Variants in N4BP1 observed in about 807,000 individuals in gnomAD.
The protein encoded by N4BP1 is NEDD4 binding protein 1.
Under a neutral mutation model 70.9 loss-of-function variants are expected in N4BP1, and 21 were observed. The observed-to-expected ratio is 0.30, with a 90% confidence interval of 0.21 to 0.43. The LOEUF (loss-of-function observed/expected upper bound fraction) is 0.43, where lower values mean the gene tolerates loss of function less well. Among genes scored for constraint, N4BP1 ranks in the 20% least tolerant of loss-of-function variants. The pLI, the probability that N4BP1 is intolerant of heterozygous loss-of-function variation, is 1.00. For synonymous variants in N4BP1, 387 were observed against 394.6 expected (o/e 0.98, Z 0.23); for missense variants, 936 against 1,069.4 (o/e 0.88, Z 1.74).
At chr16:48,604,798 T>G (rs866277501) in intron 1 of N4BP1, among the ~76,000 whole-genome samples, 4 of 152,218 alleles carry the variant, frequency 2.6e-5, no homozygotes, top group African/African-American at 9.6e-5. Flanking sequence ...TACAATATTT[T>G]ATATAATTAA....
chr16:48,553,975 A>T (rs1963712526), intron 2 of N4BP1, among the ~76,000 whole-genome samples: 1 of 152,182 alleles, frequency 6.6e-6, no homozygotes, highest in South Asian at 2.1e-4. Context: ...AGGGACAAAG[A>T]TGTGACATGG....
rs1374162100 is a variant in N4BP1, at chr16:48,610,096, G to GCGCCCCGC, written c.-132_-125dup. 8.0e-6 allele frequency: 3 copies of GCGCCCCGC among 376,452 alleles called. No homozygotes were observed. The highest frequency in any genetic ancestry group is 1.1e-5 in the Non-Finnish European group (3 of 272,652). 23.3% of individuals were successfully genotyped at this position (376,452 alleles called of 1,614,324 possible). A position where few individuals can be genotyped will look rare whatever the true frequency, so the allele number is the denominator to read the frequency against. ...CTTCCCGGCCGCCTCGCCCCCGCCC[G>GCGCCCCGC]CGCCCCGCCGCCCGCCCTCAGGCCC... On this transcript the variant is annotated 5_prime_UTR_variant, in exon 1 of 7. Transcript: ENST00000262384.
intron 1 of N4BP1, among the ~76,000 whole-genome samples, chr16:48,582,458 T>TA (rs59342775): frequency 0.4 from 61,214 of 151,846 alleles, 13,298 homozygotes; most frequent in African/African-American, 0.56. Flanking sequence ...AAGTTGCCCT[T>TA]ATTTTACTTA....
chr16:48,599,732 C>T (rs1964469251), intron 1 of N4BP1, among the ~76,000 whole-genome samples: 1 of 152,202 alleles, frequency 6.6e-6, no homozygotes, highest in Non-Finnish European at 1.5e-5. Flanking sequence ...GCTTGCTTTA[C>T]TACTAGTGGT....
intron 1 of N4BP1, among the ~76,000 whole-genome samples, chr16:48,582,860 AG>A (rs1254191940): frequency 6.6e-6 from 1 of 152,160 alleles, no homozygotes; most frequent in Non-Finnish European, 1.5e-5. Context: ...TGGGGAGGCC[AG>A]GAGTTTGAGC....
rs1266805200 is a variant in N4BP1, at chr16:48,571,579, A to G, written c.199-9135T>C. On this transcript the variant is annotated intron_variant, in intron 1 of 6. Coordinates refer to ENST00000262384, the MANE Select transcript of N4BP1 (RefSeq NM_153029.4). The stretch of plus-strand genomic sequence containing the variant: ...AATTTTAGTAAGTGGTTTCAAACAG[A>G]TATAAGATGAGACTGAACCCACAGA... Among the ~76,000 whole-genome samples the G allele has an allele frequency of 7.2e-5, 11 of 152,216 alleles. No homozygotes were observed. In the East Asian group the frequency reaches 2.1e-3, roughly 29 times the overall value.
At position 48,571,505 on chromosome 16, in the gene N4BP1, G is replaced by C. The variant is rs1221751050; in HGVS notation, c.199-9061C>G. On this transcript the variant is annotated intron_variant, in intron 1 of 6. Transcript: ENST00000262384. ...AAACCAATTAAGCAGATCACATGGA[G>C]AACTGCAGGAAACTAGGTAATGCAG... 3.4e-4 allele frequency among the ~76,000 whole-genome samples: 51 copies of C among 152,154 alleles called. 1 individual carries two copies. The highest frequency in any genetic ancestry group is 3.3e-3 in the Admixed American group (51 of 15,276).
At chr16:48,609,754 G>T in intron 1 of N4BP1, 21 bp downstream of exon 1, 1 of 1,328,970 alleles carries the variant, frequency 7.5e-7, no homozygotes, top group Non-Finnish European at 9.6e-7. Context: ...GCGGGCGCGC[G>T]GGGGCGGCGG....
chr16:48,553,383 T>G (rs768886310), intron 3 of N4BP1, among the ~76,000 whole-genome samples, 156 bp downstream of exon 3: 11 of 152,276 alleles, frequency 7.2e-5, no homozygotes, highest in Admixed American at 1.3e-4. Context: ...TGGCACTCTC[T>G]TCAATTGATG....
At chr16:48,609,677 G>C in intron 1 of N4BP1, 98 bp downstream of exon 1, 9 of 1,069,142 alleles carry the variant, frequency 8.4e-6, no homozygotes, top group Non-Finnish European at 1.1e-5. Context: ...TCCCAACCCA[G>C]GCGCATCGCG....
chr16:48,545,156 G>A (rs1963570831), intron 6 of N4BP1, among the ~76,000 whole-genome samples: 1 of 151,882 alleles, frequency 6.6e-6, no homozygotes, highest in African/African-American at 2.4e-5. Context: ...GTAGAGCCAG[G>A]GTTTCACCAT....
intron 1 of N4BP1, among the ~76,000 whole-genome samples, chr16:48,596,151 GT>G (rs1225553358): frequency 2.6e-5 from 4 of 152,074 alleles, no homozygotes; most frequent in African/African-American, 4.8e-5. Context: ...GGAGAGAAAC[GT>G]GTTTCAAAAA....
intron 1 of N4BP1, among the ~76,000 whole-genome samples, chr16:48,578,900 T>A (rs745577669): frequency 2.0e-5 from 3 of 152,316 alleles, no homozygotes; most frequent in Middle Eastern, 3.4e-3. Flanking sequence ...TTATCACAGC[T>A]CTATTAGATT....
At chr16:48,557,253 T>C (rs1409733642) in intron 2 of N4BP1, among the ~76,000 whole-genome samples, 1 of 152,186 alleles carries the variant, frequency 6.6e-6, no homozygotes, top group East Asian at 1.9e-4. Context: ...CCCCAACTAC[T>C]TGGGTCAAAT....
intron 1 of N4BP1, among the ~76,000 whole-genome samples, chr16:48,607,367 G>A (rs1244655426): frequency 6.6e-6 from 1 of 152,236 alleles, no homozygotes; most frequent in African/African-American, 2.4e-5. Context: ...GACTACTACA[G>A]TGGAGATTTA....
chr16:48,556,738 G>C (rs1268815554), intron 2 of N4BP1, among the ~76,000 whole-genome samples: 1 of 152,176 alleles, frequency 6.6e-6, no homozygotes, highest in Non-Finnish European at 1.5e-5. Flanking sequence ...GCACCAGACA[G>C]GGCAGTGTGG....
intron 1 of N4BP1, among the ~76,000 whole-genome samples, chr16:48,571,280 A>T (rs1213060566): frequency 1.3e-5 from 2 of 152,132 alleles, no homozygotes; most frequent in African/African-American, 4.8e-5. Flanking sequence ...CAACCAGCCA[A>T]GCTGAAGAGG....
intron 1 of N4BP1, among the ~76,000 whole-genome samples, chr16:48,581,018 C>A (rs1964168582): frequency 1.3e-5 from 2 of 152,008 alleles, no homozygotes. Context: ...CAATCACCCA[C>A]AAATGACAAG....
chr16:48,562,343 T>C lies in N4BP1; in HGVS notation c.300A>G (p.Lys100=), dbSNP rs764504776. 1.2e-6 allele frequency: 2 copies of C among 1,613,850 alleles called. No individual in the cohort carries two copies. The highest frequency in any genetic ancestry group is 1.7e-6 in the Non-Finnish European group (2 of 1,179,834). Residue 100 remains lysine, a synonymous_variant, in exon 2 of 7, where the codon AAA becomes AAG. Transcript: ENST00000262384. The part of the protein sequence containing the change: ...IFVGAESLFL[K]SLIQDTCADL... Reference sequence around the variant, plus strand: ...CAGCACAAGTATCCTGAATCAAGCTTTTCAGAAACAGGCTCTCTGCCCCAA... The same window carrying C: ...CAGCACAAGTATCCTGAATCAAGCTCTTCAGAAACAGGCTCTCTGCCCCAA...
Sources: allele counts gnomAD v4.1 joint callset (sites outside exome capture counted in the v4.1 genomes callset), GRCh38; gene constraint gnomAD v4.1.1; transcripts MANE v1.5; gene names NCBI Gene and HGNC (gene_info 2026-07-23, HGNC 2026-07-21).